EYS: variants seen among roughly 807,000 people sequenced by gnomAD.
EYS encodes protein eyes shut homolog.
A neutral mutation model predicts 282.1 loss-of-function variants in EYS; 250 were observed. The ratio of observed to expected loss-of-function variants is 0.89; its 90% confidence interval spans 0.80 to 0.98. The LOEUF is 0.98. EYS is among the 50% of genes least tolerant of loss of function. The pLI, the probability that EYS is intolerant of heterozygous loss-of-function variation, is 0.00. For missense variants in EYS, 4,016 were observed against 3,709.0 expected, an observed-to-expected ratio of 1.08 and a Z score of -2.15; for synonymous variants, 1,355 against 1,282.9, an observed-to-expected ratio of 1.06 and a Z score of -1.20.
intron 29 of EYS, among the ~76,000 whole-genome samples, chr6:64,308,369 T>C (rs959512308): frequency 6.6e-6 from 1 of 152,068 alleles, no homozygotes; most frequent in South Asian, 2.1e-4. Flanking sequence ...AATATTATAC[T>C]AGTAATTACA....
chr6:63,726,524 T>A lies in EYS; in HGVS notation c.8228A>T (p.Gln2743Leu). 6.5e-7 allele frequency: 1 copy of A among 1,548,826 alleles called. No individual in the cohort carries two copies. The highest frequency in any genetic ancestry group is 2.4e-5 in the East Asian group (1 of 40,858). The change falls in exon 42 of 43, where the codon CAA becomes CTA. Residue 2743 changes from glutamine (Q) to leucine (L), a missense_variant. Physicochemically the swap from Gln to Leu is moderately radical, Grantham distance 113. Transcript: ENST00000503581. ...LFYAAQHLKA[Q>L]SGDFLCISLV... ...AAACAGCCTGCCAATCTTACCTGAT[T>A]GGGCTTTTAAGTGTTGTGCAGCATA...
At chr6:65,430,202 A>G (rs532453462) in intron 5 of EYS, among the ~76,000 whole-genome samples, 57 of 152,214 alleles carry the variant, frequency 3.7e-4, no homozygotes, top group African/African-American at 1.3e-3. Flanking sequence ...CAATAACCAA[A>G]ATCAGGTGAG....
chr6:64,308,964 T>C (rs2150377064), intron 29 of EYS, among the ~76,000 whole-genome samples: 1 of 151,902 alleles, frequency 6.6e-6, no homozygotes, highest in African/African-American at 2.4e-5. Flanking sequence ...ATTAATGTTT[T>C]TAATTTTTAG....
chr6:65,091,449 C>CAATAAATAAATAAATA (rs1456480650), intron 12 of EYS, among the ~76,000 whole-genome samples: 1 of 85,794 alleles, frequency 1.2e-5, no homozygotes, highest in African/African-American at 5.1e-5. Flanking sequence ...GACTACATCT[C>CAATAAATAAATAAATA]AAGAAATAAA....
At chr6:63,782,267 A>G (rs1248401267) in intron 39 of EYS, among the ~76,000 whole-genome samples, 1 of 152,190 alleles carries the variant, frequency 6.6e-6, no homozygotes, top group Non-Finnish European at 1.5e-5. Context: ...GCCCTCATAA[A>G]ATGAATTAGG....
intron 36 of EYS, among the ~76,000 whole-genome samples, chr6:63,829,534 G>A (rs1771567977): frequency 1.3e-5 from 2 of 152,228 alleles, no homozygotes; most frequent in Admixed American, 1.3e-4. Flanking sequence ...CACCATTGCT[G>A]AGGCTTGAGT....
At chr6:63,876,257 T>G (rs1306335276) in intron 35 of EYS, among the ~76,000 whole-genome samples, 1 of 152,232 alleles carries the variant, frequency 6.6e-6, no homozygotes, top group Non-Finnish European at 1.5e-5. Flanking sequence ...AGCAGGTTGT[T>G]CAGTTTCCAT....
chr6:64,679,427 A>G (rs920683791), intron 22 of EYS, among the ~76,000 whole-genome samples: 2 of 152,074 alleles, frequency 1.3e-5, no homozygotes, highest in Admixed American at 6.5e-5. Context: ...TTTCCCACCA[A>G]GTCAACTATT....
At chr6:63,985,612 G>A (rs1019286126) in intron 34 of EYS, among the ~76,000 whole-genome samples, 4 of 151,612 alleles carry the variant, frequency 2.6e-5, no homozygotes, top group Non-Finnish European at 5.9e-5. Flanking sequence ...TTTTGCTTGG[G>A]TAATATTCAC....
Position 63,720,350 on chromosome 6 carries a change from T to C in EYS, c.*246A>G, listed in dbSNP as rs188068011. ...ATAAGCAAAGTGAATAAGCACATTC[T>C]GTGAATAAGCACTGAACTAATGGAG... is the stretch of plus-strand genomic sequence containing the variant. On this transcript the variant is annotated 3_prime_UTR_variant, in exon 43 of 43. Transcript: ENST00000503581. The C allele has an allele frequency of 1.7e-5, 7 of 420,428 alleles. No individual in the cohort carries two copies. In the Admixed American group the frequency reaches 2.8e-4, roughly 17 times the overall value. 26.0% of individuals were successfully genotyped at this position (420,428 alleles called of 1,614,324 possible). A position where few individuals can be genotyped will look rare whatever the true frequency, so the allele number is the denominator to read the frequency against.
rs538385438 is a variant in EYS at position 64,089,811 on chromosome 6, C to G, written c.6425-7809G>C. On this transcript the variant is annotated intron_variant, in intron 31 of 42. Transcript: ENST00000503581. ...AGAGAACTTCTAAAAATCAGCAGAA[C>G]TAACATTTCTCCTTTTGATTGTACC... Among the ~76,000 whole-genome samples, 494 of 152,166 alleles carry G rather than the reference C, an allele frequency of 3.2e-3. 1 individual carries two copies. Among genetic ancestry groups the G allele is most frequent in the African/African-American group, 0.011 (475 of 41,564 alleles).
At chr6:65,150,814 T>C (rs1365049101) in intron 12 of EYS, among the ~76,000 whole-genome samples, 5 of 152,048 alleles carry the variant, frequency 3.3e-5, no homozygotes, top group African/African-American at 7.2e-5. Flanking sequence ...AAATTTATTG[T>C]TTAATAATGT....
chr6:64,433,120 C>A (rs373704533), intron 28 of EYS, among the ~76,000 whole-genome samples: 11 of 152,072 alleles, frequency 7.2e-5, no homozygotes, highest in African/African-American at 2.6e-4. Context: ...TTTCACAGAG[C>A]ATATTTGTTT....
intron 5 of EYS, among the ~76,000 whole-genome samples, chr6:65,488,119 A>C (rs977923537): frequency 1.3e-5 from 2 of 152,074 alleles, no homozygotes; most frequent in Non-Finnish European, 2.9e-5. Flanking sequence ...TCTTTTCAAA[A>C]AACCAGCTCC....
At chr6:64,938,320 A>G (rs983978651) in intron 15 of EYS, among the ~76,000 whole-genome samples, 1 of 151,286 alleles carries the variant, frequency 6.6e-6, no homozygotes, top group Non-Finnish European at 1.5e-5. Context: ...AGATGAATAT[A>G]GTATAATAAG....
chr6:64,978,843 G>C (rs549119598), intron 14 of EYS, among the ~76,000 whole-genome samples: 1 of 152,006 alleles, frequency 6.6e-6, no homozygotes, highest in African/African-American at 2.4e-5. Context: ...ACTAGAATTA[G>C]AAGTGGAGCT....
In EYS at chr6:64,515,192, G is replaced by C. The variant is rs545754578; in HGVS notation, c.5644+75031C>G. ...TGACTGTACATTTTGTAATAATATA[G>C]GCAAAATACACTATTTTTTACATTT... is the stretch of plus-strand genomic sequence containing the variant. On this transcript the variant is annotated intron_variant, in intron 26 of 42. Coordinates refer to ENST00000503581, the MANE Select transcript of EYS (RefSeq NM_001142800.2). Among the ~76,000 whole-genome samples the C allele has an allele frequency of 4.0e-5, 6 of 151,534 alleles. No homozygotes were observed. In the South Asian group the frequency reaches 6.2e-4, roughly 16 times the overall value.
intron 27 of EYS, among the ~76,000 whole-genome samples, chr6:64,437,660 G>A: frequency 6.6e-6 from 1 of 151,412 alleles, no homozygotes; most frequent in East Asian, 1.9e-4. Flanking sequence ...ATTATAAATG[G>A]GCAAATAAGT....
rs1239854361 is a variant in EYS at position 64,591,416 on chromosome 6, C to T, written c.4451G>A (p.Trp1484Ter). 14 of 1,551,292 alleles carry T rather than the reference C, an allele frequency of 9.0e-6. No homozygotes were observed. The Admixed American group carries it at 1.2e-4, about 13-fold the overall frequency. ...AGACATCGAGGGGCTGAGCAATCTCCAGTGCTCTCTTCTTGAAATTAAAGA... is the reference window on the plus strand; with the variant it reads ...AGACATCGAGGGGCTGAGCAATCTCTAGTGCTCTCTTCTTGAAATTAAAGA... ...ADSLISRREH[W>*]RLLSPSMSPI... Residue 1484 changes from tryptophan to a stop codon, truncating the protein, a stop_gained, in exon 26 of 43, where the codon TGG (tryptophan) becomes TAG (stop). Coordinates refer to ENST00000503581, the MANE Select transcript of EYS (RefSeq NM_001142800.2). LOFTEE classifies it high-confidence loss of function.
Sources: gnomAD v4.1 joint callset for allele counts (sites outside exome capture counted in the v4.1 genomes callset) on GRCh38, gnomAD v4.1.1 for gene constraint, MANE v1.5 for transcripts, NCBI Gene and HGNC (gene_info 2026-07-23, HGNC 2026-07-21) for gene names.